The following RANBP3 variants were observed in gnomAD, a reference collection of about 807,000 sequenced individuals.
The protein encoded by RANBP3 is ran-binding protein 3.
Under a neutral mutation model 77.3 loss-of-function variants are expected in RANBP3, and 14 were observed. The ratio of observed to expected loss-of-function variants is 0.18; its 90% CI spans 0.12 to 0.28. The LOEUF is 0.28. RANBP3 is among the 10% of genes least tolerant of loss of function. The pLI, the probability that RANBP3 is intolerant of heterozygous loss-of-function variation, is 1.00. For synonymous variants in RANBP3, 315 were observed against 312.4 expected (o/e 1.01, Z -0.09); for missense variants, 586 against 752.3 (o/e 0.78, Z 2.59).
chr19:5,946,111 C>A (rs983913617), intron 3 of RANBP3, among the ~76,000 whole-genome samples: 7 of 152,198 alleles, frequency 4.6e-5, no homozygotes, highest in East Asian at 1.9e-4. Flanking sequence ...CAGGTCCCTG[C>A]GTGTCTGAGA....
intron 5 of RANBP3, chr19:5,934,223 G>A (rs1206286299): frequency 6.6e-6 from 1 of 152,274 alleles, no homozygotes; most frequent in Non-Finnish European, 1.5e-5. Context: ...TGCCCATACA[G>A]GGAGTGGGGA....
intron 1 of RANBP3, 75 bp downstream of exon 1, chr19:5,977,986 A>C: frequency 3.2e-6 from 5 of 1,586,416 alleles, no homozygotes; most frequent in Non-Finnish European, 4.3e-6. Context: ...TGCTCCCCCC[A>C]AGGGCTTGTG....
At chr19:5,919,528 TG>T (rs1164365405) in intron 14 of RANBP3, among the ~76,000 whole-genome samples, 1 of 152,172 alleles carries the variant, frequency 6.6e-6, no homozygotes, top group Non-Finnish European at 1.5e-5. Flanking sequence ...GGGGATGACC[TG>T]GGGGCTCAGG....
At chr19:5,922,637 T>C (rs774283061) in intron 13 of RANBP3, among the ~76,000 whole-genome samples, 12 of 152,232 alleles carry the variant, frequency 7.9e-5, no homozygotes, top group Non-Finnish European at 1.6e-4. Context: ...TGTCATTCCC[T>C]GAACCATCAA....
intron 3 of RANBP3, among the ~76,000 whole-genome samples, chr19:5,942,886 G>A (rs1037210445): frequency 4.6e-5 from 7 of 151,970 alleles, no homozygotes; most frequent in Admixed American, 4.6e-4. Flanking sequence ...AAATCAGCTG[G>A]GCAGGGGGGT....
chr19:5,928,005 G>T lies in RANBP3; in HGVS notation c.776C>A (p.Ala259Asp). The T allele has an allele frequency of 6.2e-7, 1 of 1,613,706 alleles. No individual in the cohort carries two copies. The highest frequency in any genetic ancestry group is 1.1e-5 in the South Asian group (1 of 91,020). Residue 259 changes from alanine to aspartate, a missense_variant, in exon 9 of 17, where the codon GCC becomes GAC. By Grantham distance (126) the Ala-to-Asp change is moderately radical. This residue lies in a region of RANBP3 where 232 missense variants were observed against 271.7 expected (regional missense o/e 0.85). Transcript: ENST00000340578. ...CEKKDPATQQ[A>D]FVFGQNLRDR... ...CCTCAAGTTCTGCCCAAATACAAAG[G>T]CTTGCTGTGTGGCGGGGTCTTTTTT... is the stretch of plus-strand genomic sequence containing the variant.
Position 5,916,511 on chromosome 19 carries a change from T to G in RANBP3, c.*1099A>C, listed in dbSNP as rs937094048. ...GCTGGCTCTTGGCCATGCTCCAGGC[T>G]CGGGTGGGCACAGGCGTCCACTCCA... On this transcript the variant is annotated 3_prime_UTR_variant, in exon 17 of 17. Transcript: ENST00000340578. The G allele has an allele frequency of 6.6e-6, 1 of 152,258 alleles. No homozygotes were observed. Among genetic ancestry groups the G allele is most frequent in the Non-Finnish European group, 1.5e-5 (1 of 68,098 alleles). The allele number at this position is 152,258 out of a possible 1,614,324, so 9.4% of individuals were successfully genotyped here. A position where few individuals can be genotyped will look rare whatever the true frequency, so the allele number is the denominator to read the frequency against.
chr19:5,929,638 T>G (rs540218429), intron 8 of RANBP3, among the ~76,000 whole-genome samples: 1 of 152,136 alleles, frequency 6.6e-6, no homozygotes, highest in African/African-American at 2.4e-5. Context: ...GTACCAGGAG[T>G]TCCCCCATGG....
chr19:5,923,487 C>G (rs180793565), intron 12 of RANBP3, among the ~76,000 whole-genome samples, 184 bp from the exon 13 acceptor site: 1 of 152,306 alleles, frequency 6.6e-6, no homozygotes, highest in Non-Finnish European at 1.5e-5. Flanking sequence ...TCAGAAGCTG[C>G]AGGGAGACCA....
intron 9 of RANBP3, among the ~76,000 whole-genome samples, chr19:5,927,260 C>A (rs1568450289): frequency 6.6e-6 from 1 of 152,178 alleles, no homozygotes; most frequent in Non-Finnish European, 1.5e-5. Flanking sequence ...ACTGCCATCC[C>A]TTCCCCACCA....
At chr19:5,946,202 A>G (rs1442800254) in intron 3 of RANBP3, among the ~76,000 whole-genome samples, 2 of 152,114 alleles carry the variant, frequency 1.3e-5, no homozygotes, top group Non-Finnish European at 2.9e-5. Context: ...GTTTTGTTCT[A>G]TCACATAGGG....
At chr19:5,937,746 C>T (rs1046046127) in intron 5 of RANBP3, among the ~76,000 whole-genome samples, 7 of 144,410 alleles carry the variant, frequency 4.8e-5, no homozygotes, top group African/African-American at 1.8e-4. Flanking sequence ...CATGCCGCGT[C>T]GGGGCCTGCG....
At position 5,937,919 on chromosome 19, in the gene RANBP3, C is replaced by G. The variant is rs549824062; in HGVS notation, c.406+3702G>C. 3.9e-5 allele frequency among the ~76,000 whole-genome samples: 6 copies of G among 152,282 alleles called. No homozygotes were observed. In the East Asian group the frequency reaches 9.7e-4, roughly 25 times the overall value. On this transcript the variant is annotated intron_variant, in intron 5 of 16. Transcript: ENST00000340578. ...GGCTTTAGTAACTGATCACCTAAAG[C>G]AGAACCTGCCTCACCGTGGCAGGCT...
In RANBP3 at chr19:5,978,140, T is replaced by C. The variant is rs1270769601; in HGVS notation, c.-58A>G. ...CGCCGGCCCAGGCTCGCCTGCTTTC[T>C]GCCAGAAACTCCCGCGCGTGCGCAC... On this transcript the variant is annotated 5_prime_UTR_variant, in exon 1 of 17. Coordinates refer to ENST00000340578, the MANE Select transcript of RANBP3 (RefSeq NM_007322.3). 3.8e-6 allele frequency: 6 copies of C among 1,582,884 alleles called. No homozygotes were observed. Among genetic ancestry groups the C allele is most frequent in the African/African-American group, 1.4e-5 (1 of 71,810 alleles).
intron 2 of RANBP3, 37 bp from the exon 3 acceptor site, chr19:5,951,633 T>A (rs1314625209): frequency 1.3e-6 from 2 of 1,576,160 alleles, no homozygotes; most frequent in Admixed American, 3.5e-5. Context: ...TCAATGTGAA[T>A]AAAGGCTGCA....
chr19:5,925,774 G>A, intron 9 of RANBP3, 37 bp from the exon 10 acceptor site: 1 of 1,568,430 alleles, frequency 6.4e-7, no homozygotes, highest in Non-Finnish European at 8.8e-7. Context: ...ATCGGGGGTG[G>A]GGGGGTGCCT....
intron 1 of RANBP3, among the ~76,000 whole-genome samples, chr19:5,975,555 C>T (rs1469872182): frequency 6.6e-6 from 1 of 150,990 alleles, no homozygotes; most frequent in East Asian, 1.9e-4. Context: ...CTACTCTGTG[C>T]CAGGCACCGT....
At chr19:5,943,481 C>G (rs936260839) in intron 3 of RANBP3, among the ~76,000 whole-genome samples, 8 of 152,316 alleles carry the variant, frequency 5.3e-5, no homozygotes, top group African/African-American at 1.7e-4. Context: ...TTTTATAATC[C>G]TTTAAAAATG....
intron 5 of RANBP3, among the ~76,000 whole-genome samples, chr19:5,939,158 C>T (rs2058102469): frequency 6.6e-6 from 1 of 152,154 alleles, no homozygotes; most frequent in Non-Finnish European, 1.5e-5. Context: ...GCACTCCAGC[C>T]TGGGCAAAAA....
Sources: allele counts gnomAD v4.1 joint callset (sites outside exome capture counted in the v4.1 genomes callset), GRCh38; gene constraint gnomAD v4.1.1; regional missense constraint gnomAD v4.1.1; transcripts MANE v1.5; gene names NCBI Gene and HGNC (gene_info 2026-07-23, HGNC 2026-07-21).